The following CDH12 variants were observed in gnomAD, a reference collection of about 807,000 sequenced individuals.
CDH12 encodes the protein cadherin-12.
A neutral mutation model predicts 74.1 loss-of-function variants in CDH12; 41 were observed. The ratio of observed to expected loss-of-function variants is 0.55; its 90% CI spans 0.43 to 0.72. The LOEUF is 0.72. Among genes scored for constraint, CDH12 ranks in the 30% least tolerant of loss-of-function variants. The pLI, the probability that CDH12 is intolerant of heterozygous loss-of-function variation, is 0.00. For synonymous variants in CDH12, 399 were observed against 355.0 expected, an observed-to-expected ratio of 1.12 and a Z score of -1.39; for missense variants, 945 against 977.2, an observed-to-expected ratio of 0.97 and a Z score of 0.44.
At chr5:22,566,384 T>C (rs1243916375) in intron 1 of CDH12, among the ~76,000 whole-genome samples, 2 of 151,934 alleles carry the variant, frequency 1.3e-5, no homozygotes. Flanking sequence ...ATTTCAGGCA[T>C]GCACCACCAA....
chr5:22,166,860 A>T (rs553181354), intron 4 of CDH12, among the ~76,000 whole-genome samples: 12 of 152,226 alleles, frequency 7.9e-5, no homozygotes, highest in East Asian at 5.8e-4. Flanking sequence ...ATATTATTTT[A>T]AAAAAAGCAA....
At chr5:21,908,459 C>T (rs1293173071) in intron 6 of CDH12, among the ~76,000 whole-genome samples, 1 of 152,068 alleles carries the variant, frequency 6.6e-6, no homozygotes, top group Admixed American at 6.6e-5. Context: ...ATGGGTTGGG[C>T]CAAGATCTCA....
At chr5:21,908,724 G>T (rs977076833) in intron 6 of CDH12, among the ~76,000 whole-genome samples, 1 of 152,134 alleles carries the variant, frequency 6.6e-6, no homozygotes, top group Admixed American at 6.5e-5. Flanking sequence ...GGGCACAAAA[G>T]TGGGAAGGCG....
rs117679522 is a variant in CDH12 at position 22,642,039 on chromosome 5, T to G, written c.-522-136675A>C. Among the ~76,000 whole-genome samples the G allele has an allele frequency of 3.2e-4, 48 of 152,274 alleles. No individual in the cohort carries two copies. The East Asian group carries it at 9.3e-3, about 29-fold the overall frequency. ...ATCTCAAATATTTGCCAGGTAAATA[T>G]TTAAGTAAATTCACTGTTTATAAGA... On this transcript the variant is annotated intron_variant, in intron 1 of 14. Coordinates refer to ENST00000382254, the MANE Select transcript of CDH12 (RefSeq NM_004061.5).
At position 21,874,616 on chromosome 5, in the gene CDH12, C is replaced by T. The variant is rs1263893969; in HGVS notation, c.527-19826G>A. Among the ~76,000 whole-genome samples the T allele has an allele frequency of 3.3e-5, 5 of 152,272 alleles. 1 individual carries two copies. The East Asian group carries it at 9.7e-4, about 29-fold the overall frequency. ...CCATTGTATGGGAGCTCTGTTTTCACTCTATTAAATCTTGCAACTGCACAT... is the reference window on the plus strand; with the variant it reads ...CCATTGTATGGGAGCTCTGTTTTCATTCTATTAAATCTTGCAACTGCACAT... On this transcript the variant is annotated intron_variant, in intron 6 of 14. Transcript: ENST00000382254.
rs554536565 is a variant in CDH12 at position 22,067,437 on chromosome 5, A to C, written c.231+11009T>G. ...AGATCCTTTGGGATTTTGGAGGTAA[A>C]GTAATTTGCATTTAGGTACATTACT... On this transcript the variant is annotated intron_variant, in intron 5 of 14. Coordinates refer to ENST00000382254, the MANE Select transcript of CDH12 (RefSeq NM_004061.5). Among the ~76,000 whole-genome samples, 3 of 152,274 alleles carry C rather than the reference A, an allele frequency of 2.0e-5. No individual in the cohort carries two copies. In the South Asian group the frequency reaches 6.2e-4, roughly 32 times the overall value.
chr5:22,349,650 C>T (rs1740271910), intron 3 of CDH12, among the ~76,000 whole-genome samples: 1 of 152,160 alleles, frequency 6.6e-6, no homozygotes, highest in South Asian at 2.1e-4. Flanking sequence ...AGATTGTTTG[C>T]TCACCCCCAA....
intron 6 of CDH12, among the ~76,000 whole-genome samples, chr5:21,878,412 T>C (rs1194464708): frequency 6.6e-6 from 1 of 152,060 alleles, no homozygotes; most frequent in African/African-American, 2.4e-5. Context: ...GAGATCAGTT[T>C]CTTCATCTAT....
intron 1 of CDH12, among the ~76,000 whole-genome samples, chr5:22,764,063 T>C (rs72748737): frequency 0.28 from 32,267 of 115,524 alleles, 4,097 homozygotes; most frequent in Non-Finnish European, 0.38. Flanking sequence ...GTTTAGTGTG[T>C]AAATACACGT....
chr5:22,708,331 A>G (rs1947194553), intron 1 of CDH12, among the ~76,000 whole-genome samples: 1 of 152,212 alleles, frequency 6.6e-6, no homozygotes, highest in Non-Finnish European at 1.5e-5. Flanking sequence ...ATGTACAAAG[A>G]GACACAAACT....
At chr5:22,747,411 T>C (rs1219463958) in intron 1 of CDH12, among the ~76,000 whole-genome samples, 2 of 149,846 alleles carry the variant, frequency 1.3e-5, no homozygotes, top group African/African-American at 2.5e-5. Flanking sequence ...ATTGCTTCAG[T>C]TAAGGAATTC....
intron 5 of CDH12, among the ~76,000 whole-genome samples, chr5:22,015,163 T>G (rs1737524636): frequency 6.6e-6 from 1 of 152,134 alleles, no homozygotes; most frequent in Non-Finnish European, 1.5e-5. Flanking sequence ...TTTGTTTAAT[T>G]AGGAGATGAC....
intron 4 of CDH12, among the ~76,000 whole-genome samples, chr5:22,204,176 G>GTTTTTTTTTTTTTT (rs1172824728): frequency 7.2e-6 from 1 of 139,654 alleles, no homozygotes; most frequent in South Asian, 2.2e-4. Context: ...TTTTTTTTTT[G>GTTTTTTTTTTTTTT]TTTTTTGTTT....
chr5:22,574,194 G>A (rs977330160), intron 1 of CDH12, among the ~76,000 whole-genome samples: 2 of 145,866 alleles, frequency 1.4e-5, no homozygotes, highest in Non-Finnish European at 3.0e-5. Context: ...GTTCTCCTGT[G>A]TCAGCCTCAC....
intron 1 of CDH12, among the ~76,000 whole-genome samples, chr5:22,727,063 G>A (rs1744198895): frequency 6.6e-6 from 1 of 151,714 alleles, no homozygotes; most frequent in Non-Finnish European, 1.5e-5. Context: ...TGTCCAATCT[G>A]TATATAATAG....
intron 1 of CDH12, among the ~76,000 whole-genome samples, chr5:22,525,841 C>G (rs1000935060): frequency 1.3e-5 from 2 of 152,118 alleles, no homozygotes; most frequent in African/African-American, 4.8e-5. Flanking sequence ...GCATAACTAC[C>G]TATGTCAAGA....
intron 1 of CDH12, among the ~76,000 whole-genome samples, chr5:22,573,888 CAG>C (rs914217541): frequency 3.3e-5 from 5 of 152,024 alleles, no homozygotes; most frequent in Non-Finnish European, 5.9e-5. Flanking sequence ...CCTGCTGAAA[CAG>C]AGTTTACCTC....
At chr5:22,087,303 C>T (rs1040743817) in intron 4 of CDH12, among the ~76,000 whole-genome samples, 3 of 152,098 alleles carry the variant, frequency 2.0e-5, no homozygotes, top group African/African-American at 7.2e-5. Context: ...AATCTACTTT[C>T]TGTCAGACAC....
intron 1 of CDH12, among the ~76,000 whole-genome samples, chr5:22,750,877 A>G (rs1446233113): frequency 6.6e-6 from 1 of 151,612 alleles, no homozygotes; most frequent in Non-Finnish European, 1.5e-5. Flanking sequence ...ATTTGAGTCA[A>G]TTAACATTGA....
Sources: gnomAD v4.1 joint callset for allele counts (sites outside exome capture counted in the v4.1 genomes callset) on GRCh38, gnomAD v4.1.1 for gene constraint, MANE v1.5 for transcripts, NCBI Gene and HGNC (gene_info 2026-07-23, HGNC 2026-07-21) for gene names.